FAM131B: variants seen among roughly 807,000 people sequenced by gnomAD.
FAM131B encodes family with sequence similarity 131 member B, also known as protein FAM131B.
A neutral mutation model predicts 42.0 loss-of-function variants in FAM131B; 19 were observed. The observed-to-expected ratio is 0.45, with a 90% CI of 0.32 to 0.66. The LOEUF (loss-of-function observed/expected upper bound fraction) is 0.66, where lower values mean the gene tolerates loss of function less well. Ranked by LOEUF, FAM131B falls within the 30% of genes least tolerant of loss-of-function variation. FAM131B has a pLI of 0.05. For synonymous variants in FAM131B, 183 were observed against 177.6 expected (o/e 1.03, Z -0.24); for missense variants, 370 against 468.4 (o/e 0.79, Z 1.94).
the FAM131B span, chr7:143,381,254 G>T: frequency 9.7e-7 from 1 of 1,033,486 alleles, no homozygotes. Context: ...TATGGTCTGG[G>T]CGCCGCTCTC....
intron 1 of FAM131B, chr7:143,360,391 T>A: frequency 7.3e-7 from 1 of 1,374,972 alleles, no homozygotes; most frequent in South Asian, 1.6e-5. Context: ...GTTGTTTATG[T>A]GGAGGGGTCA....
upstream of FAM131B, among the ~76,000 whole-genome samples, chr7:143,363,371 G>A (rs1804087129): frequency 6.6e-6 from 1 of 152,200 alleles, no homozygotes; most frequent in African/African-American, 2.4e-5. Flanking sequence ...GGGGATTGGA[G>A]AATATGAGGA....
chr7:143,357,535 C>T, intron 5 of FAM131B, 112 bp from the exon 6 acceptor site: 1 of 771,160 alleles, frequency 1.3e-6, no homozygotes, highest in Non-Finnish European at 1.9e-6. Context: ...TAATGCAAGC[C>T]ACTTATATCA....
chr7:143,365,358 A>G (rs2116499684), upstream of FAM131B, among the ~76,000 whole-genome samples: 1 of 152,342 alleles, frequency 6.6e-6, no homozygotes, highest in East Asian at 1.9e-4. Context: ...GAAGGAGGCA[A>G]GATCATTTAT....
intron 1 of FAM131B, chr7:143,361,284 A>C (rs1156926287): frequency 1.4e-5 from 2 of 146,404 alleles, no homozygotes; most frequent in Admixed American, 6.8e-5. Flanking sequence ...AAAAGAGGAA[A>C]GATGGCCCTC....
the FAM131B span, chr7:143,381,180 G>A: frequency 4.0e-6 from 4 of 991,262 alleles, no homozygotes; most frequent in Non-Finnish European, 4.8e-6. Flanking sequence ...CCCCTTCCTG[G>A]GGGAGTTTCC....
At chr7:143,369,674 CAA>C in the FAM131B span, among the ~76,000 whole-genome samples, 1 of 135,178 alleles carries the variant, frequency 7.4e-6, no homozygotes, top group African/African-American at 2.8e-5. Flanking sequence ...GAATCCGTCT[CAA>C]AAAAAAAAAA....
In FAM131B at chr7:143,354,640, G is replaced by C. The variant is rs1803572097; in HGVS notation, c.*1910C>G. On this transcript the variant is annotated 3_prime_UTR_variant, in exon 7 of 7. Transcript: ENST00000443739. Reference sequence around the variant, plus strand: ...AATGAGGTCCTGGGACATGGAGTCAGCACACGTTAGCAAGCACAAGAGGAC... The same window carrying C: ...AATGAGGTCCTGGGACATGGAGTCACCACACGTTAGCAAGCACAAGAGGAC... The C allele has an allele frequency of 6.6e-6, 1 of 152,226 alleles. No individual in the cohort carries two copies. Among genetic ancestry groups the C allele is most frequent in the Non-Finnish European group, 1.5e-5 (1 of 68,058 alleles). 9.4% of individuals were successfully genotyped at this position (152,226 alleles called of 1,614,324 possible).
rs551562129 is a variant in FAM131B, at chr7:143,358,775, G to A, written c.466+52C>T. 2.7e-5 allele frequency: 40 copies of A among 1,479,630 alleles called. No homozygotes were observed. In the South Asian group the frequency reaches 3.1e-4, roughly 12 times the overall value. The allele number at this position is 1,479,630 out of a possible 1,614,324, so 91.7% of individuals were successfully genotyped here. A position where few individuals can be genotyped will look rare whatever the true frequency, so the allele number is the denominator to read the frequency against. On this transcript the variant is annotated intron_variant, in intron 5 of 6. Coordinates refer to ENST00000443739, the MANE Select transcript of FAM131B (RefSeq NM_001031690.3). This position sits in a 1 kb window ranked among gnomAD's most constrained non-coding sequence, Gnocchi z 4.7. ...CCACAGGGGATCAGGTTGGAGGGTCGGTCCCTGGCCATCCTGCAAATGTGT... is the reference window on the plus strand; with the variant it reads ...CCACAGGGGATCAGGTTGGAGGGTCAGTCCCTGGCCATCCTGCAAATGTGT...
the FAM131B span, chr7:143,381,125 G>A: frequency 4.5e-6 from 4 of 884,476 alleles, no homozygotes; most frequent in Admixed American, 6.2e-5. Flanking sequence ...TGGGGTGGGG[G>A]CGAGCGGACC....
In FAM131B at chr7:143,359,687, G is replaced by A. The variant is rs1378990660; in HGVS notation, c.174+45C>T. ...AAGGTGCAAGGGAGAAGATGAGGAG[G>A]AGGAGTTCGGGAGGATGGGGAGGTC... On this transcript the variant is annotated intron_variant, in intron 3 of 6. Transcript: ENST00000443739. This position sits in a 1 kb window ranked among gnomAD's most constrained non-coding sequence, Gnocchi z 5.4. 1 of 1,531,246 alleles carries A rather than the reference G, an allele frequency of 6.5e-7. No individual in the cohort carries two copies. The highest frequency in any genetic ancestry group is 8.9e-7 in the Non-Finnish European group (1 of 1,125,860). 94.9% of individuals were successfully genotyped at this position (1,531,246 alleles called of 1,614,324 possible).
At position 143,362,517 on chromosome 7, in the gene FAM131B, G is replaced by C; in HGVS notation, c.28+59C>G. The C allele has an allele frequency of 1.3e-6, 1 of 786,986 alleles. No homozygotes were observed. Among genetic ancestry groups the C allele is most frequent in the African/African-American group, 1.8e-5 (1 of 55,812 alleles). 48.8% of individuals were successfully genotyped at this position (786,986 alleles called of 1,614,324 possible). A position where few individuals can be genotyped will look rare whatever the true frequency, so the allele number is the denominator to read the frequency against. ...GAGGCGCGAGGAGAGGGATGGGGGA[G>C]GGGGTCGGAGGGCGGCCCGGGGGGC... On this transcript the variant is annotated intron_variant, in intron 1 of 6. Transcript: ENST00000443739. This position sits in a 1 kb window ranked among gnomAD's most constrained non-coding sequence, Gnocchi z 7.7.
At chr7:143,363,978 G>C (rs1313100359), upstream of FAM131B, 1 of 152,244 alleles carries the variant, frequency 6.6e-6, no homozygotes, top group Non-Finnish European at 1.5e-5. Flanking sequence ...CTGAATTGCA[G>C]ATTGAGGAGA....
intron 6 of FAM131B, 103 bp from the exon 7 acceptor site, chr7:143,357,125 G>T: frequency 8.9e-7 from 1 of 1,126,928 alleles, no homozygotes; most frequent in Non-Finnish European, 1.3e-6. Context: ...ACAGAGAACT[G>T]GCAGTAAGAC....
the FAM131B span, chr7:143,381,855 G>A: frequency 2.9e-6 from 4 of 1,369,514 alleles, no homozygotes; most frequent in Non-Finnish European, 3.9e-6. Context: ...ATTTGGGGAT[G>A]TCTGGAAAGG....
chr7:143,361,577 T>A (rs1443674598), intron 1 of FAM131B: 2 of 141,158 alleles, frequency 1.4e-5, no homozygotes, highest in Non-Finnish European at 3.0e-5. Flanking sequence ...CAGCCTGAGG[T>A]CACCGGGAGG....
At chr7:143,381,297 TTCCGTGTG>T in the FAM131B span, 1 of 1,088,750 alleles carries the variant, frequency 9.2e-7, no homozygotes, top group African/African-American at 1.7e-5. Context: ...TCCCTCCTCC[TTCCGTGTG>T]TCCCTCCCCG....
At chr7:143,377,219 AG>A in the FAM131B span, among the ~76,000 whole-genome samples, 5 of 152,292 alleles carry the variant, frequency 3.3e-5, no homozygotes, top group East Asian at 9.6e-4. Context: ...CAGCCTCCCA[AG>A]GTGGTGAGAT....
At position 143,357,030 on chromosome 7, in the gene FAM131B, A is replaced by G; in HGVS notation, c.611-8T>C. 1 of 1,600,796 alleles carries G rather than the reference A, an allele frequency of 6.2e-7. No homozygotes were observed. The highest frequency in any genetic ancestry group is 8.6e-7 in the Non-Finnish European group (1 of 1,168,460). On this transcript the variant is annotated splice_region_variant and splice_polypyrimidine_tract_variant and intron_variant, in intron 6 of 6. Coordinates refer to ENST00000443739, the MANE Select transcript of FAM131B (RefSeq NM_001031690.3). ...GTGCTTGAGCCAGGGCATCTGGAAA[A>G]AGAATCATGGAGGTCAGTGGGGCCA...
Sources: gnomAD v4.1 joint callset for allele counts (sites outside exome capture counted in the v4.1 genomes callset) on GRCh38, gnomAD v4.1.1 for gene constraint, Gnocchi (gnomAD v3.1) non-coding constraint, MANE v1.5 for transcripts, NCBI Gene and HGNC (gene_info 2026-07-23, HGNC 2026-07-21) for gene names.